TMTC1: variants seen among roughly 807,000 people sequenced by gnomAD.
TMTC1 encodes protein O-mannosyl-transferase TMTC1.
TMTC1 carries 73 observed loss-of-function variants against 104.8 expected under a neutral mutation model. The ratio of observed to expected loss-of-function variants is 0.70; its 90% confidence interval spans 0.58 to 0.85. The LOEUF (loss-of-function observed/expected upper bound fraction) is 0.85. Ranked by LOEUF, TMTC1 falls within the 40% of genes least tolerant of loss-of-function variation. The pLI is 0.00. For missense variants in TMTC1, 1,035 were observed against 1,096.1 expected (o/e 0.94, Z 0.79); for synonymous variants, 434 against 428.7 (o/e 1.01, Z -0.15).
intron 7 of TMTC1, among the ~76,000 whole-genome samples, chr12:29,601,679 G>A (rs1946568772): frequency 6.6e-6 from 1 of 152,080 alleles, no homozygotes; most frequent in African/African-American, 2.4e-5. Context: ...ATACCGCTTG[G>A]GGCAAGTTAA....
chr12:29,612,586 A>AT (rs1228083012), intron 6 of TMTC1, among the ~76,000 whole-genome samples: 7 of 151,546 alleles, frequency 4.6e-5, no homozygotes, highest in African/African-American at 1.2e-4. Context: ...TAATTTTTGT[A>AT]TTTTTTTTAG....
In TMTC1 at chr12:29,639,366, T is replaced by A. The variant is rs181104927; in HGVS notation, c.939-6030A>T. ...TCCAGGCAGGGCCACCCAAGAGTAATAGCTTCAAATTGTAAATAAACATGA... is the reference window on the plus strand; with the variant it reads ...TCCAGGCAGGGCCACCCAAGAGTAAAAGCTTCAAATTGTAAATAAACATGA... On this transcript the variant is annotated intron_variant, in intron 5 of 17. Transcript: ENST00000539277. Among the ~76,000 whole-genome samples, 68 of 152,272 alleles carry A rather than the reference T, an allele frequency of 4.5e-4. No homozygotes were observed. In the East Asian group the frequency reaches 0.01, roughly 23 times the overall value.
chr12:29,553,594 G>T (rs1385397720), intron 10 of TMTC1, among the ~76,000 whole-genome samples: 1 of 152,094 alleles, frequency 6.6e-6, no homozygotes, highest in Non-Finnish European at 1.5e-5. Flanking sequence ...AGGCACTCAG[G>T]AAACAGTAAA....
intron 12 of TMTC1, chr12:29,519,390 AG>A (rs1944084955): frequency 2.0e-5 from 3 of 152,240 alleles, no homozygotes; most frequent in Non-Finnish European, 4.4e-5. Flanking sequence ...AAAGATCCCA[AG>A]GCAAGTGAGA....
intron 9 of TMTC1, among the ~76,000 whole-genome samples, chr12:29,558,441 T>C (rs1945301068): frequency 3.3e-5 from 5 of 152,198 alleles, no homozygotes; most frequent in Admixed American, 3.3e-4. Flanking sequence ...TAATCTTTGC[T>C]CTACCCAGAG....
chr12:29,505,285 T>C lies in TMTC1; in HGVS notation c.*1561A>G, dbSNP rs577162809. On this transcript the variant is annotated 3_prime_UTR_variant, in exon 18 of 18. Transcript: ENST00000539277. ...TGAGCATGCGAATTATGTGAGCCTT[T>C]AGGCTACTATGTCTGTGTGCTACCT... is the stretch of plus-strand genomic sequence containing the variant. 3 of 152,378 alleles carry C rather than the reference T, an allele frequency of 2.0e-5. No individual in the cohort carries two copies. Among genetic ancestry groups the C allele is most frequent in the South Asian group, 4.1e-4 (2 of 4,830 alleles). 9.4% of individuals were successfully genotyped at this position (152,378 alleles called of 1,614,324 possible).
chr12:29,660,137 A>G (rs2136638923), intron 5 of TMTC1, among the ~76,000 whole-genome samples: 1 of 152,334 alleles, frequency 6.6e-6, no homozygotes, highest in African/African-American at 2.4e-5. Flanking sequence ...CCAACAGAAC[A>G]TGCAGAAGGT....
chr12:29,569,861 G>C (rs1592247301), intron 9 of TMTC1, among the ~76,000 whole-genome samples: 1 of 152,098 alleles, frequency 6.6e-6, no homozygotes, highest in African/African-American at 2.4e-5. Context: ...TGTCTCAAGG[G>C]ACATATTTCT....
intron 10 of TMTC1, among the ~76,000 whole-genome samples, chr12:29,547,959 A>C (rs1944984448): frequency 6.6e-6 from 1 of 152,234 alleles, no homozygotes; most frequent in African/African-American, 2.4e-5. Context: ...AGAGAAACTA[A>C]GGGAGTAAAA....
intron 5 of TMTC1, among the ~76,000 whole-genome samples, chr12:29,730,288 C>T (rs1942512833): frequency 6.6e-6 from 1 of 152,218 alleles, no homozygotes; most frequent in Non-Finnish European, 1.5e-5. Flanking sequence ...CAAAGAACTA[C>T]ACCACAGGTG....
rs1403854680 is a variant in TMTC1, at chr12:29,516,334, A to C, written c.2307+15T>G. On this transcript the variant is annotated intron_variant, in intron 15 of 17. Coordinates refer to ENST00000539277, the MANE Select transcript of TMTC1 (RefSeq NM_001193451.2). ...CCTATGAATCCAAAGAACTCTAAACAATGTCCTTCTTTACCTTGTCGTGGT... is the reference window on the plus strand; with the variant it reads ...CCTATGAATCCAAAGAACTCTAAACCATGTCCTTCTTTACCTTGTCGTGGT... 1 of 1,610,372 alleles carries C rather than the reference A, an allele frequency of 6.2e-7. No individual in the cohort carries two copies.
At chr12:29,760,065 T>C (rs1012229867) in intron 2 of TMTC1, among the ~76,000 whole-genome samples, 4 of 152,206 alleles carry the variant, frequency 2.6e-5, no homozygotes, top group African/African-American at 9.6e-5. Context: ...TACTTACCAT[T>C]GTGTTACAGT....
At position 29,556,729 on chromosome 12, in the gene TMTC1, A is replaced by G. The variant is rs73266029; in HGVS notation, c.1676+128T>C. ...ATTGAGATGCATGTTACACCCTCCC[A>G]AAGTCTGAAAACCCTAATTATTCAG... On this transcript the variant is annotated intron_variant, in intron 10 of 17. Transcript: ENST00000539277. 2.9e-4 allele frequency: 352 copies of G among 1,196,844 alleles called. No homozygotes were observed. The African/African-American group carries it at 4.9e-3, about 17-fold the overall frequency. 74.1% of individuals were successfully genotyped at this position (1,196,844 alleles called of 1,614,324 possible).
intron 6 of TMTC1, among the ~76,000 whole-genome samples, chr12:29,604,585 C>T (rs1257865915): frequency 2.6e-5 from 4 of 152,286 alleles, no homozygotes; most frequent in South Asian, 2.1e-4. Context: ...GCTGGATTTA[C>T]AGCAACCCTG....
intron 6 of TMTC1, among the ~76,000 whole-genome samples, chr12:29,626,004 C>T (rs576255283): frequency 6.6e-6 from 1 of 152,246 alleles, no homozygotes; most frequent in Admixed American, 6.5e-5. Flanking sequence ...CTTTTCAAGC[C>T]TTTAGATATA....
At chr12:29,562,183 C>A (rs148898) in intron 9 of TMTC1, among the ~76,000 whole-genome samples, 1 of 152,068 alleles carries the variant, frequency 6.6e-6, no homozygotes, top group Non-Finnish European at 1.5e-5. Flanking sequence ...CCATTAACAC[C>A]TAGCAAATAA....
Position 29,695,821 on chromosome 12 carries a change from ATATATAT to A in TMTC1, c.938+55838_938+55844del, listed in dbSNP as rs1467522578. Among the ~76,000 whole-genome samples the A allele has an allele frequency of 2.7e-3, 226 of 82,974 alleles. 2 individuals carry two copies. Among genetic ancestry groups the A allele is most frequent in the African/African-American group, 0.011 (210 of 19,010 alleles). 54.4% of individuals were successfully genotyped at this position (82,974 alleles called of 152,430 possible). A position where few individuals can be genotyped will look rare whatever the true frequency, so the allele number is the denominator to read the frequency against. On this transcript the variant is annotated intron_variant, in intron 5 of 17. Transcript: ENST00000539277. ...TATATATATATATATATATATATAT[ATATATAT>A]AACCTGTCTTCAACCTAAATTATGG...
At chr12:29,710,353 C>T (rs77240243) in intron 5 of TMTC1, among the ~76,000 whole-genome samples, 3,831 of 152,004 alleles carry the variant, frequency 0.025, 166 homozygotes, top group African/African-American at 0.087. Context: ...CTGCTCTTTC[C>T]TTGCAGCCAT....
At chr12:29,570,945 T>C (rs1945660048) in intron 9 of TMTC1, among the ~76,000 whole-genome samples, 1 of 146,918 alleles carries the variant, frequency 6.8e-6, no homozygotes, top group Non-Finnish European at 1.5e-5. Flanking sequence ...TTTGCCATAT[T>C]AAATATTAAG....
Sources: gnomAD v4.1 joint callset for allele counts (sites outside exome capture counted in the v4.1 genomes callset) on GRCh38, gnomAD v4.1.1 for gene constraint, MANE v1.5 for transcripts, NCBI Gene and HGNC (gene_info 2026-07-23, HGNC 2026-07-21) for gene names.